The following NFYC variants were observed in gnomAD, a reference collection of about 807,000 sequenced individuals.
NFYC encodes the protein nuclear transcription factor Y subunit gamma.
In NFYC, 25 loss-of-function variants were observed where a neutral mutation model predicts 53.1. That is an observed-to-expected ratio of 0.47 (90% CI 0.34 to 0.66). The LOEUF is 0.66. Among genes scored for constraint, NFYC ranks in the 30% least tolerant of loss-of-function variants. NFYC has a pLI of 0.01. For missense variants in NFYC, 260 were observed against 422.7 expected (o/e 0.62, Z 3.38); for synonymous variants, 145 against 152.6 (o/e 0.95, Z 0.37).
chr1:40,717,309 G>T (rs888969282), intron 1 of NFYC, among the ~76,000 whole-genome samples: 1 of 152,098 alleles, frequency 6.6e-6, no homozygotes, highest in Admixed American at 6.6e-5. Context: ...GCACACCCCT[G>T]TTTTCTGAGT....
chr1:40,717,440 A>G (rs952297934), intron 1 of NFYC, among the ~76,000 whole-genome samples: 1 of 152,222 alleles, frequency 6.6e-6, no homozygotes, highest in East Asian at 1.9e-4. Flanking sequence ...GGCGTGTACA[A>G]CAAGGTAAAG....
At chr1:40,695,702 T>C (rs1003921047) in intron 1 of NFYC, 2 of 152,128 alleles carry the variant, frequency 1.3e-5, no homozygotes, top group Non-Finnish European at 2.9e-5. Flanking sequence ...ATTATAGGCG[T>C]GAGCCACCGT....
intron 1 of NFYC, among the ~76,000 whole-genome samples, chr1:40,694,600 G>A (rs149017586): frequency 6.6e-6 from 1 of 152,048 alleles, no homozygotes; most frequent in Non-Finnish European, 1.5e-5. Context: ...ACTTAGTTTC[G>A]TTTTTAGTAA....
intron 2 of NFYC, among the ~76,000 whole-genome samples, chr1:40,745,484 T>C (rs903304288): frequency 6.6e-6 from 1 of 152,192 alleles, no homozygotes; most frequent in African/African-American, 2.4e-5. Flanking sequence ...AAAAAAACTC[T>C]TTAGGATCTG....
At chr1:40,708,512 C>T (rs1643827927) in intron 1 of NFYC, among the ~76,000 whole-genome samples, 1 of 152,138 alleles carries the variant, frequency 6.6e-6, no homozygotes, top group African/African-American at 2.4e-5. Flanking sequence ...GTCATTCCCC[C>T]CAACCCCTTA....
chr1:40,712,638 G>A (rs1314590410), intron 1 of NFYC: 2 of 141,246 alleles, frequency 1.4e-5, no homozygotes, highest in East Asian at 2.2e-4. Context: ...TAGTAAGCAA[G>A]TAAATGTTGG....
chr1:40,766,645 T>TATC lies in NFYC; in HGVS notation c.772_774dup (p.Ser258dup). 6.2e-7 allele frequency: 1 copy of TATC among 1,614,146 alleles called. No individual in the cohort carries two copies. ...CAGTATATCCGCTTAGCCCAGCCTG[T>TATC]ATCAGGCACTCAAGTTGTGCAGGGA... On this transcript the variant is annotated inframe_insertion, in exon 8 of 10. Transcript: ENST00000447388.
chr1:40,714,133 TG>T (rs1644035566), intron 1 of NFYC, among the ~76,000 whole-genome samples: 1 of 152,234 alleles, frequency 6.6e-6, no homozygotes, highest in African/African-American at 2.4e-5. Context: ...TTTTTGTTGT[TG>T]TTTTTTTGTT....
intron 1 of NFYC, among the ~76,000 whole-genome samples, chr1:40,720,942 C>G (rs1373909095): frequency 2.0e-5 from 3 of 152,028 alleles, no homozygotes; most frequent in Non-Finnish European, 1.5e-5. Flanking sequence ...TGAATCCCCA[C>G]TATGTGCAAG....
intron 2 of NFYC, among the ~76,000 whole-genome samples, chr1:40,742,769 T>G (rs1459939792): frequency 6.6e-6 from 1 of 152,208 alleles, no homozygotes; most frequent in East Asian, 1.9e-4. Context: ...TGAGTAAGAA[T>G]GCAATCCAGT....
chr1:40,696,244 C>T (rs939546283), intron 1 of NFYC, among the ~76,000 whole-genome samples: 2 of 152,086 alleles, frequency 1.3e-5, no homozygotes, highest in Admixed American at 6.5e-5. Context: ...AGGCTGGTCT[C>T]AAACTCCTGA....
chr1:40,692,583 A>G (rs144116973), intron 1 of NFYC, among the ~76,000 whole-genome samples: 202 of 152,234 alleles, frequency 1.3e-3, no homozygotes, highest in African/African-American at 4.8e-3. Context: ...GTGTAGGAAG[A>G]AAGGCATCAG....
chr1:40,748,444 C>CA (rs1453276808), intron 3 of NFYC, among the ~76,000 whole-genome samples: 11 of 152,174 alleles, frequency 7.2e-5, no homozygotes, highest in Admixed American at 6.5e-4. Context: ...GCTGGTATCT[C>CA]ACAGTTCTGT....
Position 40,770,211 on chromosome 1 carries a change from C to T in NFYC, c.889-498C>T, listed in dbSNP as rs575780956. On this transcript the variant is annotated intron_variant, in intron 9 of 9. Coordinates refer to ENST00000447388, the MANE Select transcript of NFYC (RefSeq NM_014223.5). The surrounding 1 kb of genome is among the most constrained non-coding windows in gnomAD (Gnocchi z 5.3). ...TTAAGTGTTTAATACCAGGCCACCTCCTTAGCAGGGTCCATGGAGAAAATT... is the reference window on the plus strand; with the variant it reads ...TTAAGTGTTTAATACCAGGCCACCTTCTTAGCAGGGTCCATGGAGAAAATT... 28 of 646,456 alleles carry T rather than the reference C, an allele frequency of 4.3e-5. No individual in the cohort carries two copies. The highest frequency in any genetic ancestry group is 2.7e-4 in the African/African-American group (15 of 54,900). 40.0% of individuals were successfully genotyped at this position (646,456 alleles called of 1,614,324 possible).
chr1:40,770,763 C>G lies in NFYC; in HGVS notation c.943C>G (p.Pro315Ala). ...TMPAGQDLAQPMFIQSANQPS... is the reference protein window; with the variant it reads ...TMPAGQDLAQAMFIQSANQPS... ...GCCTGCGGGCCAGGACCTCGCCCAG[C>G]CCATGTTCATCCAGTCAGCCAACCA... Residue 315 changes from proline (P) to alanine (A), a missense_variant, in exon 10 of 10, where the codon CCC becomes GCC. Transcript: ENST00000447388. The surrounding 1 kb of genome is among the most constrained non-coding windows in gnomAD (Gnocchi z 5.3). 6.2e-7 allele frequency: 1 copy of G among 1,613,674 alleles called. No individual in the cohort carries two copies. The highest frequency in any genetic ancestry group is 8.5e-7 in the Non-Finnish European group (1 of 1,180,036).
intron 1 of NFYC, among the ~76,000 whole-genome samples, chr1:40,694,533 G>C (rs923321187): frequency 6.6e-6 from 1 of 152,216 alleles, no homozygotes. Context: ...GGTCATTTCA[G>C]CCTCATTTGG....
At chr1:40,731,235 C>T (rs561844617) in intron 1 of NFYC, among the ~76,000 whole-genome samples, 3 of 152,160 alleles carry the variant, frequency 2.0e-5, no homozygotes, top group African/African-American at 7.2e-5. Context: ...AGTGCAGTGG[C>T]ATGATCTTGG....
intron 1 of NFYC, chr1:40,735,599 AG>A (rs1267859850): frequency 4.5e-5 from 44 of 985,294 alleles, no homozygotes; most frequent in Non-Finnish European, 5.1e-5. Context: ...TAAATCGTAC[AG>A]GTCTTTGTAC....
At chr1:40,716,439 A>G (rs1391105260) in intron 1 of NFYC, among the ~76,000 whole-genome samples, 1 of 152,194 alleles carries the variant, frequency 6.6e-6, no homozygotes, top group Non-Finnish European at 1.5e-5. Context: ...TAAGGAGATG[A>G]GTTAAGGACA....
Sources: gnomAD v4.1 joint callset for allele counts (sites outside exome capture counted in the v4.1 genomes callset) on GRCh38, gnomAD v4.1.1 for gene constraint, Gnocchi (gnomAD v3.1) non-coding constraint, MANE v1.5 for transcripts, NCBI Gene and HGNC (gene_info 2026-07-23, HGNC 2026-07-21) for gene names.